The following SDK1 variants were observed in gnomAD, a reference collection of about 807,000 sequenced individuals.
SDK1 encodes the protein protein sidekick-1.
A neutral mutation model predicts 245.5 loss-of-function variants in SDK1; 157 were observed. The observed-to-expected ratio is 0.64, with a 90% confidence interval of 0.56 to 0.73. SDK1 has a LOEUF of 0.73. SDK1 is among the 30% of genes least tolerant of loss of function. The pLI is 0.00. For missense variants in SDK1, 3,583 were observed against 3,002.3 expected (o/e 1.19, Z -4.52); for synonymous variants, 1,647 against 1,278.5 (o/e 1.29, Z -6.15).
chr7:4,173,633 C>T (rs1386587444), intron 32 of SDK1, among the ~76,000 whole-genome samples: 1 of 152,164 alleles, frequency 6.6e-6, no homozygotes, highest in Non-Finnish European at 1.5e-5. Flanking sequence ...GTATTGTTTG[C>T]CTGGGGCAGC....
intron 1 of SDK1, among the ~76,000 whole-genome samples, chr7:3,423,471 G>C (rs1316010776): frequency 6.6e-6 from 1 of 151,968 alleles, no homozygotes; most frequent in Admixed American, 6.6e-5. Context: ...GCTTTTATAA[G>C]ATAGATTTTT....
chr7:4,019,476 C>T (rs543935341), intron 17 of SDK1, among the ~76,000 whole-genome samples: 4 of 152,220 alleles, frequency 2.6e-5, no homozygotes, highest in African/African-American at 7.2e-5. Context: ...GGTGGGGTCC[C>T]GCCTCCATGT....
At chr7:3,576,648 T>C (rs1332495518) in intron 1 of SDK1, among the ~76,000 whole-genome samples, 1 of 152,086 alleles carries the variant, frequency 6.6e-6, no homozygotes, top group African/African-American at 2.4e-5. Flanking sequence ...TTCTCCAGTG[T>C]AGGCAACGTT....
intron 1 of SDK1, among the ~76,000 whole-genome samples, chr7:3,481,754 C>A (rs1032377274): frequency 6.6e-6 from 1 of 152,160 alleles, no homozygotes; most frequent in Non-Finnish European, 1.5e-5. Flanking sequence ...CCTAGGGGTG[C>A]AAACAGCAGT....
chr7:3,598,209 T>C (rs139126514), intron 1 of SDK1, among the ~76,000 whole-genome samples: 1 of 152,194 alleles, frequency 6.6e-6, no homozygotes, highest in Non-Finnish European at 1.5e-5. Context: ...AGGAAGTGCA[T>C]GTTCAAGCCT....
chr7:3,345,632 T>G (rs1780471924), intron 1 of SDK1, among the ~76,000 whole-genome samples: 1 of 152,302 alleles, frequency 6.6e-6, no homozygotes, highest in East Asian at 1.9e-4. Flanking sequence ...GCTTGTAACA[T>G]GTTTTCAGAA....
At chr7:3,917,516 C>G (rs772922808) in intron 5 of SDK1, among the ~76,000 whole-genome samples, 1 of 152,074 alleles carries the variant, frequency 6.6e-6, no homozygotes, top group Non-Finnish European at 1.5e-5. Flanking sequence ...ATCAGGTTGT[C>G]CTTCAGGGGC....
At chr7:3,887,140 C>T (rs1450160423) in intron 5 of SDK1, among the ~76,000 whole-genome samples, 1 of 152,154 alleles carries the variant, frequency 6.6e-6, no homozygotes, top group Non-Finnish European at 1.5e-5. Flanking sequence ...ACCTATACAG[C>T]GTCCACAGCA....
chr7:3,758,451 A>C (rs1314004176), intron 4 of SDK1, among the ~76,000 whole-genome samples: 5 of 152,194 alleles, frequency 3.3e-5, no homozygotes, highest in African/African-American at 7.2e-5. Flanking sequence ...ATAATCTTCT[A>C]TTTAGGTTGG....
At chr7:3,642,371 A>AT (rs1782677484) in intron 4 of SDK1, among the ~76,000 whole-genome samples, 1 of 152,032 alleles carries the variant, frequency 6.6e-6, no homozygotes, top group Admixed American at 6.6e-5. Flanking sequence ...TTTGCAGTCC[A>AT]TTTTTTTCTT....
chr7:4,191,876 CA>C, intron 35 of SDK1, among the ~76,000 whole-genome samples: 3 of 152,338 alleles, frequency 2.0e-5, no homozygotes, highest in Admixed American at 2.0e-4. Flanking sequence ...GCGTCACGCA[CA>C]AAAGTGGGGT....
At chr7:3,825,658 A>G (rs920828248) in intron 5 of SDK1, among the ~76,000 whole-genome samples, 9 of 152,204 alleles carry the variant, frequency 5.9e-5, no homozygotes, top group African/African-American at 1.2e-4. Context: ...TTTGTCCTCT[A>G]TAATGCTAAT....
At chr7:3,527,657 G>A (rs528644287) in intron 1 of SDK1, among the ~76,000 whole-genome samples, 110 of 151,296 alleles carry the variant, frequency 7.3e-4, no homozygotes, top group African/African-American at 2.6e-3. Flanking sequence ...AGGTGAGGTT[G>A]GAGGGATAGC....
intron 44 of SDK1, among the ~76,000 whole-genome samples, chr7:4,254,319 CTT>C (rs1375090867): frequency 6.6e-6 from 1 of 151,976 alleles, no homozygotes; most frequent in Non-Finnish European, 1.5e-5. Flanking sequence ...TTTTAAAAGT[CTT>C]TTCTTCAGAC....
chr7:4,246,233 C>T (rs936324112), intron 44 of SDK1, among the ~76,000 whole-genome samples: 1 of 152,192 alleles, frequency 6.6e-6, no homozygotes. Context: ...TCTTGCAGAG[C>T]AGAGTGTGGG....
At chr7:3,837,535 G>A (rs1439918533) in intron 5 of SDK1, among the ~76,000 whole-genome samples, 1 of 152,206 alleles carries the variant, frequency 6.6e-6, no homozygotes, top group Non-Finnish European at 1.5e-5. Context: ...TGGATGAGAG[G>A]TTGCCTCTTC....
At position 3,557,394 on chromosome 7, in the gene SDK1, T is replaced by C. The variant is rs138592452; in HGVS notation, c.299-61686T>C. 2.7e-3 allele frequency among the ~76,000 whole-genome samples: 404 copies of C among 152,278 alleles called. 2 individuals are homozygous for C. The highest frequency in any genetic ancestry group is 9.3e-3 in the African/African-American group (385 of 41,552). On this transcript the variant is annotated intron_variant, in intron 1 of 44. Transcript: ENST00000404826. ...TAATACTCAACCAGGATGAAATAGA[T>C]AATCTGAAGAGTCCTGTAACCATTA...
At chr7:3,406,417 C>T (rs1583811619) in intron 1 of SDK1, among the ~76,000 whole-genome samples, 1 of 152,114 alleles carries the variant, frequency 6.6e-6, no homozygotes, top group African/African-American at 2.4e-5. Context: ...GGGATCCTCC[C>T]TGGGTTATTT....
At chr7:3,645,666 C>G (rs907107139) in intron 4 of SDK1, among the ~76,000 whole-genome samples, 1 of 152,052 alleles carries the variant, frequency 6.6e-6, no homozygotes, top group Admixed American at 6.6e-5. Flanking sequence ...CTTTCCATGT[C>G]TAAGAAAGTA....
Sources: allele counts gnomAD v4.1 joint callset (sites outside exome capture counted in the v4.1 genomes callset), GRCh38; gene constraint gnomAD v4.1.1; transcripts MANE v1.5; gene names NCBI Gene and HGNC (gene_info 2026-07-23, HGNC 2026-07-21).